Variants in PTPRK observed in about 807,000 individuals in gnomAD.
The protein encoded by PTPRK is protein tyrosine phosphatase receptor type K.
In PTPRK, 75 loss-of-function variants were observed where a neutral mutation model predicts 178.0. The observed-to-expected ratio is 0.42, with a 90% CI of 0.35 to 0.51. PTPRK has a LOEUF of 0.51. PTPRK is among the 20% of genes least tolerant of loss of function. The probability of loss-of-function intolerance (pLI) is 0.02; values close to 1 mark genes in which losing one functional copy is unlikely to be tolerated. For synonymous variants in PTPRK, 637 were observed against 620.6 expected, an observed-to-expected ratio of 1.03 and a Z score of -0.39; for missense variants, 1,441 against 1,797.8, an observed-to-expected ratio of 0.80 and a Z score of 3.59.
At chr6:128,514,369 G>C (rs1857615235) in intron 1 of PTPRK, among the ~76,000 whole-genome samples, 1 of 120,664 alleles carries the variant, frequency 8.3e-6, no homozygotes, top group African/African-American at 3.4e-5. Context: ...GCATTGTTAA[G>C]ATGTGTGTGT....
intron 7 of PTPRK, among the ~76,000 whole-genome samples, chr6:128,093,250 G>T (rs1787297329): frequency 6.6e-6 from 1 of 151,712 alleles, no homozygotes; most frequent in Admixed American, 6.6e-5. Flanking sequence ...CTAGTAAAAA[G>T]AAAGAATTGG....
chr6:128,390,727 C>T (rs185344301), intron 2 of PTPRK, among the ~76,000 whole-genome samples: 5 of 152,192 alleles, frequency 3.3e-5, no homozygotes, highest in African/African-American at 1.2e-4. Context: ...CATGTTTTGT[C>T]TCTGGTAGAT....
intron 3 of PTPRK, among the ~76,000 whole-genome samples, chr6:128,261,834 G>A (rs1004697552): frequency 6.6e-6 from 1 of 152,108 alleles, no homozygotes; most frequent in Non-Finnish European, 1.5e-5. Context: ...GCAAAAAGAA[G>A]CAACTGGTGG....
chr6:128,466,855 G>T (rs578045704), intron 1 of PTPRK, among the ~76,000 whole-genome samples: 1 of 152,130 alleles, frequency 6.6e-6, no homozygotes, highest in South Asian at 2.1e-4. Flanking sequence ...ATATACAAAT[G>T]AATAAACCCT....
chr6:128,245,302 T>G (rs1583670901), intron 3 of PTPRK, among the ~76,000 whole-genome samples: 1 of 152,286 alleles, frequency 6.6e-6, no homozygotes, highest in African/African-American at 2.4e-5. Context: ...AAGTAGACTT[T>G]AGAGTTTAAA....
At chr6:128,239,942 C>T in intron 5 of PTPRK, 93 bp downstream of exon 5, 1 of 944,996 alleles carries the variant, frequency 1.1e-6, no homozygotes, top group South Asian at 1.5e-5. Context: ...CACACACACA[C>T]ACACTCAAAA....
chr6:128,335,034 G>C (rs1238091306), intron 2 of PTPRK, among the ~76,000 whole-genome samples: 1 of 152,196 alleles, frequency 6.6e-6, no homozygotes. Flanking sequence ...TTTGCACTGA[G>C]CCAAAGCCAT....
chr6:128,170,154 T>A (rs952169723), intron 7 of PTPRK, among the ~76,000 whole-genome samples: 18 of 152,042 alleles, frequency 1.2e-4, no homozygotes, highest in African/African-American at 4.3e-4. Context: ...AGAAACTTCA[T>A]GAAACAAACA....
At chr6:128,141,936 G>A (rs1431954967) in intron 7 of PTPRK, among the ~76,000 whole-genome samples, 1 of 151,734 alleles carries the variant, frequency 6.6e-6, no homozygotes, top group Non-Finnish European at 1.5e-5. Flanking sequence ...ACAATATATT[G>A]CCCCATCTAA....
chr6:128,391,590 C>T (rs975998779), intron 2 of PTPRK, among the ~76,000 whole-genome samples: 1 of 152,078 alleles, frequency 6.6e-6, no homozygotes, highest in Non-Finnish European at 1.5e-5. Context: ...AGATTTTTGA[C>T]AGTTATGGCT....
chr6:128,245,122 G>A lies in PTPRK; in HGVS notation c.496-2520C>T, dbSNP rs144881275. On this transcript the variant is annotated intron_variant, in intron 3 of 29. Transcript: ENST00000368226. ...GATTTAATCCTCATTACAATCACAC[G>A]AGGTAGGTATTATTTTCATGTTCAT... Among the ~76,000 whole-genome samples, 852 of 152,156 alleles carry A rather than the reference G, an allele frequency of 5.6e-3. 5 individuals are homozygous for A. The highest frequency in any genetic ancestry group is 0.025 in the South Asian group (121 of 4,820).
At chr6:128,040,423 A>G (rs2114833410) in intron 13 of PTPRK, among the ~76,000 whole-genome samples, 1 of 152,216 alleles carries the variant, frequency 6.6e-6, no homozygotes, top group Admixed American at 6.6e-5. Flanking sequence ...CACCTGGGAA[A>G]CAGCAGCAAA....
chr6:128,472,467 T>A (rs1850830414), intron 1 of PTPRK, among the ~76,000 whole-genome samples: 2 of 146,640 alleles, frequency 1.4e-5, no homozygotes, highest in Middle Eastern at 3.4e-3. Flanking sequence ...TGTTTTTATC[T>A]TTTTATTTTG....
chr6:128,093,321 T>C (rs1177627652), intron 7 of PTPRK, among the ~76,000 whole-genome samples: 1 of 151,984 alleles, frequency 6.6e-6, no homozygotes, highest in African/African-American at 2.4e-5. Flanking sequence ...ATGCTGGGCA[T>C]GGTGGCTCAC....
intron 13 of PTPRK, among the ~76,000 whole-genome samples, chr6:128,023,255 T>C (rs1288526176): frequency 6.6e-6 from 1 of 152,214 alleles, no homozygotes; most frequent in African/African-American, 2.4e-5. Context: ...TGATTTCTAA[T>C]TTTCTTGAAA....
At chr6:128,085,325 T>C (rs1326509564) in intron 8 of PTPRK, 1 of 152,248 alleles carries the variant, frequency 6.6e-6, no homozygotes, top group Admixed American at 6.5e-5. Context: ...TGCACATCTG[T>C]GTCTATTGCT....
At chr6:128,429,375 G>A (rs1844542900) in intron 1 of PTPRK, among the ~76,000 whole-genome samples, 1 of 152,170 alleles carries the variant, frequency 6.6e-6, no homozygotes, top group East Asian at 1.9e-4. Context: ...CTCCAGAAAG[G>A]ACTAAAGCTA....
At position 128,464,674 on chromosome 6, in the gene PTPRK, T is replaced by TATATACAC. The variant is rs1407701569; in HGVS notation, c.100+55584_100+55585insGTGTATAT. Among the ~76,000 whole-genome samples the TATATACAC allele has an allele frequency of 1.9e-4, 24 of 124,752 alleles. 1 individual carries two copies. The highest frequency in any genetic ancestry group is 7.1e-4 in the African/African-American group (23 of 32,366). The allele number at this position is 124,752 out of a possible 152,430, so 81.8% of individuals were successfully genotyped here. A position where few individuals can be genotyped will look rare whatever the true frequency, so the allele number is the denominator to read the frequency against. On this transcript the variant is annotated intron_variant, in intron 1 of 29. Transcript: ENST00000368226. ...ATATATATATATATATATATATATA[T>TATATACAC]ACAACAGATGGTCACACAACAGCTC...
intron 1 of PTPRK, among the ~76,000 whole-genome samples, chr6:128,490,509 C>A (rs532665260): frequency 6.6e-6 from 1 of 152,274 alleles, no homozygotes; most frequent in South Asian, 2.1e-4. Context: ...GTCATACCGC[C>A]CAGGCCCCAA....
Sources: gnomAD v4.1 joint callset for allele counts (sites outside exome capture counted in the v4.1 genomes callset) on GRCh38, gnomAD v4.1.1 for gene constraint, MANE v1.5 for transcripts, NCBI Gene and HGNC (gene_info 2026-07-23, HGNC 2026-07-21) for gene names.